Variants in PTPRN2 observed in about 807,000 individuals in gnomAD.
PTPRN2 encodes the protein receptor-type tyrosine-protein phosphatase N2.
A neutral mutation model predicts 118.8 loss-of-function variants in PTPRN2; 74 were observed. The observed-to-expected ratio is 0.62, with a 90% CI of 0.52 to 0.76. PTPRN2 has a LOEUF of 0.76. Among genes scored for constraint, PTPRN2 ranks in the 30% least tolerant of loss-of-function variants. PTPRN2 has a pLI of 0.00. For synonymous variants in PTPRN2, 641 were observed against 608.0 expected, an observed-to-expected ratio of 1.05 and a Z score of -0.80; for missense variants, 1,481 against 1,394.4, an observed-to-expected ratio of 1.06 and a Z score of -0.99.
At chr7:158,537,705 A>G (rs941935183) in intron 1 of PTPRN2, 2 of 152,376 alleles carry the variant, frequency 1.3e-5, no homozygotes, top group African/African-American at 4.8e-5. Flanking sequence ...ACCCGGCCTC[A>G]TCTGCCAGCC....
intron 3 of PTPRN2, among the ~76,000 whole-genome samples, chr7:158,285,420 C>A (rs572251050): frequency 6.6e-6 from 1 of 152,298 alleles, no homozygotes; most frequent in Admixed American, 6.5e-5. Flanking sequence ...CAGGGATGTG[C>A]CCACGCCGGC....
chr7:158,123,626 G>A (rs991146270), intron 9 of PTPRN2, among the ~76,000 whole-genome samples: 5 of 152,158 alleles, frequency 3.3e-5, no homozygotes, highest in African/African-American at 1.2e-4. Context: ...CCACACCATC[G>A]ACTCTTCCAG....
Position 158,173,488 on chromosome 7 carries a change from G to A in PTPRN2, c.550-6197C>T, listed in dbSNP as rs149724361. Among the ~76,000 whole-genome samples, 565 of 152,282 alleles carry A rather than the reference G, an allele frequency of 3.7e-3. 6 individuals carry two copies. Among genetic ancestry groups the A allele is most frequent in the African/African-American group, 0.013 (536 of 41,548 alleles). ...GGTCACAGGGATCACATGCTTCAGA[G>A]GGCAATAAAAGATCACAAGGCAGGG... On this transcript the variant is annotated intron_variant, in intron 5 of 22. Coordinates refer to ENST00000389418, the MANE Select transcript of PTPRN2 (RefSeq NM_002847.5).
intron 1 of PTPRN2, among the ~76,000 whole-genome samples, chr7:158,528,340 G>A (rs958216447): frequency 3.9e-5 from 6 of 152,268 alleles, no homozygotes; most frequent in East Asian, 1.9e-4. Context: ...GCCAGGTGAC[G>A]TCCCAAAACA....
intron 2 of PTPRN2, among the ~76,000 whole-genome samples, chr7:158,327,169 GCA>G (rs549017342): frequency 8.2e-5 from 12 of 145,544 alleles, no homozygotes; most frequent in East Asian, 6.3e-4. Flanking sequence ...ATTCTCACAT[GCA>G]CACACACATG....
At chr7:158,124,542 G>A (rs190107590) in intron 9 of PTPRN2, among the ~76,000 whole-genome samples, 3 of 152,370 alleles carry the variant, frequency 2.0e-5, no homozygotes, top group Non-Finnish European at 4.4e-5. Context: ...CATGGCCAAT[G>A]GTTTGGCCAG....
chr7:158,283,436 C>T (rs1320019930), intron 3 of PTPRN2, among the ~76,000 whole-genome samples: 1 of 152,160 alleles, frequency 6.6e-6, no homozygotes, highest in Admixed American at 6.5e-5. Flanking sequence ...ACTGAGACCA[C>T]CACTGAGAGG....
Position 157,719,535 on chromosome 7 carries a change from C to T in PTPRN2, c.1789-36598G>A, listed in dbSNP as rs146384556. Among the ~76,000 whole-genome samples the T allele has an allele frequency of 9.8e-4, 150 of 152,372 alleles. No individual in the cohort carries two copies. The South Asian group carries it at 0.014, about 14-fold the overall frequency. ...GGCCTCCTGGGAACGCGGAGAACTT[C>T]GTGCCTGCTGTCCAGTTCTTGGCAT... On this transcript the variant is annotated intron_variant, in intron 12 of 22. Transcript: ENST00000389418.
At chr7:158,092,793 C>T (rs1458399266) in intron 10 of PTPRN2, among the ~76,000 whole-genome samples, 1 of 152,068 alleles carries the variant, frequency 6.6e-6, no homozygotes, top group Non-Finnish European at 1.5e-5. Flanking sequence ...TTAGGGGCTC[C>T]CTAAAGCCAG....
At chr7:157,913,152 T>A (rs7799476) in intron 11 of PTPRN2, among the ~76,000 whole-genome samples, 56,833 of 152,120 alleles carry the variant, frequency 0.37, 10,930 homozygotes, top group Admixed American at 0.49. Context: ...TATGTATATA[T>A]TCCCGGGACT....
chr7:157,785,542 C>T lies in PTPRN2; in HGVS notation c.1789-102605G>A, dbSNP rs948198865. Among the ~76,000 whole-genome samples, 4 of 152,248 alleles carry T rather than the reference C, an allele frequency of 2.6e-5. No individual in the cohort carries two copies. The highest frequency in any genetic ancestry group is 4.4e-5 in the Non-Finnish European group (3 of 68,010). ...GCCTGCGACCTGCCTGGGTGCCATC[C>T]GCAAACCTGGTCTCTGCTGAAATCT... On this transcript the variant is annotated intron_variant, in intron 12 of 22. Transcript: ENST00000389418. This position sits in a 1 kb window ranked among gnomAD's most constrained non-coding sequence, Gnocchi z 7.3.
intron 6 of PTPRN2, among the ~76,000 whole-genome samples, chr7:158,163,987 G>A (rs796645868): frequency 1.1e-4 from 17 of 152,324 alleles, no homozygotes; most frequent in African/African-American, 3.4e-4. Flanking sequence ...TTTCTAAAGC[G>A]CACAGTGCAG....
chr7:157,815,994 T>C (rs1270076283), intron 12 of PTPRN2, among the ~76,000 whole-genome samples: 1 of 152,198 alleles, frequency 6.6e-6, no homozygotes. Flanking sequence ...GTCACCCTCG[T>C]GCAGATGTGA....
intron 13 of PTPRN2, among the ~76,000 whole-genome samples, chr7:157,657,612 T>C (rs1421266653): frequency 4.9e-5 from 2 of 40,666 alleles, no homozygotes; most frequent in African/African-American, 9.8e-5. Flanking sequence ...ACCACACACA[T>C]CACACATATA....
rs760174959 is a variant in PTPRN2 at position 157,903,863 on chromosome 7, T to C, written c.1724-5126A>G. On this transcript the variant is annotated intron_variant, in intron 11 of 22. Coordinates refer to ENST00000389418, the MANE Select transcript of PTPRN2 (RefSeq NM_002847.5). This position sits in a 1 kb window ranked among gnomAD's most constrained non-coding sequence, Gnocchi z 4.2. The stretch of plus-strand genomic sequence containing the variant: ...CGTCTCCCCATCCAGGCTGTGGATT[T>C]CCATGCACGCTTCACAAGCAGCTGT... Among the ~76,000 whole-genome samples the C allele has an allele frequency of 1.2e-4, 19 of 152,168 alleles. No individual in the cohort carries two copies. The highest frequency in any genetic ancestry group is 2.5e-4 in the Non-Finnish European group (17 of 68,034).
intron 10 of PTPRN2, among the ~76,000 whole-genome samples, chr7:158,083,527 G>A (rs1813006332): frequency 6.6e-6 from 1 of 152,176 alleles, no homozygotes. Context: ...CTGTGAGGAG[G>A]TTCTTGGTTC....
intron 11 of PTPRN2, among the ~76,000 whole-genome samples, chr7:157,960,389 A>G (rs1801448878): frequency 6.6e-6 from 1 of 152,248 alleles, no homozygotes; most frequent in Admixed American, 6.5e-5. Flanking sequence ...CATGGGAAGA[A>G]TCATAATCAG....
chr7:158,290,665 T>C (rs969097272), intron 3 of PTPRN2, among the ~76,000 whole-genome samples: 11 of 152,164 alleles, frequency 7.2e-5, no homozygotes, highest in African/African-American at 2.7e-4. Context: ...TTCCCCCACA[T>C]AGAGGGCATC....
At chr7:157,636,914 A>G (rs1804355050) in intron 14 of PTPRN2, among the ~76,000 whole-genome samples, 1 of 152,248 alleles carries the variant, frequency 6.6e-6, no homozygotes, top group Non-Finnish European at 1.5e-5. Context: ...TAACCTTTAC[A>G]AAGAAAGTAA....
Sources: gnomAD v4.1 joint callset for allele counts (sites outside exome capture counted in the v4.1 genomes callset) on GRCh38, gnomAD v4.1.1 for gene constraint, Gnocchi (gnomAD v3.1) non-coding constraint, MANE v1.5 for transcripts, NCBI Gene and HGNC (gene_info 2026-07-23, HGNC 2026-07-21) for gene names.